The following TG variants were observed in gnomAD, a reference collection of about 807,000 sequenced individuals.
TG encodes the protein thyroid hormones.
In TG, 270 loss-of-function variants were observed where a neutral mutation model predicts 324.7. That is an observed-to-expected ratio of 0.83 (90% CI 0.75 to 0.92). The LOEUF is 0.92. Ranked by LOEUF, TG falls within the 40% of genes least tolerant of loss-of-function variation. TG has a pLI of 0.00. For missense variants in TG, 3,591 were observed against 3,456.4 expected, an observed-to-expected ratio of 1.04 and a Z score of -0.98; for synonymous variants, 1,401 against 1,327.0, an observed-to-expected ratio of 1.06 and a Z score of -1.21.
chr8:132,911,253 T>C (rs1819479757), intron 18 of TG, 124 bp from the exon 19 acceptor site: 24 of 1,565,800 alleles, frequency 1.5e-5, no homozygotes, highest in Non-Finnish European at 2.0e-5. Flanking sequence ...CTTGACCCCC[T>C]GAAGTAGGGT....
chr8:133,019,650 C>A lies in TG; in HGVS notation c.6831C>A (p.Val2277=). The part of the protein sequence containing the change: ...PGTRTSTSPG[V]SEDCLYLNVF... ...CCAGAACATCCACGTCTCCTGGAGT[C>A]AGTGAAGATTGTTTGTATCTCAATG... is the stretch of plus-strand genomic sequence containing the variant. The change falls in exon 39 of 48, where the codon GTC becomes GTA. Residue 2277 remains valine, a synonymous_variant. Coordinates refer to ENST00000220616, the MANE Select transcript of TG (RefSeq NM_003235.5). 1.2e-6 allele frequency: 2 copies of A among 1,613,746 alleles called. No individual in the cohort carries two copies. The highest frequency in any genetic ancestry group is 2.2e-5 in the South Asian group (2 of 90,986).
intron 40 of TG, among the ~76,000 whole-genome samples, chr8:133,026,958 A>G (rs1329233528): frequency 6.6e-6 from 1 of 152,188 alleles, no homozygotes; most frequent in African/African-American, 2.4e-5. Context: ...AATTTACTCA[A>G]CCTTATGAGG....
At chr8:132,893,011 G>A (rs1816473938) in intron 10 of TG, among the ~76,000 whole-genome samples, 4 of 138,216 alleles carry the variant, frequency 2.9e-5, no homozygotes, top group African/African-American at 1.2e-4. Flanking sequence ...TGTGGGTGGT[G>A]TGTGTGTGTG....
intron 45 of TG, among the ~76,000 whole-genome samples, chr8:133,131,315 C>G (rs1338106145): frequency 6.6e-6 from 1 of 152,202 alleles, no homozygotes; most frequent in African/African-American, 2.4e-5. Flanking sequence ...TGAATAACTC[C>G]TATTTGCCAG....
chr8:133,005,300 G>A lies in TG; in HGVS notation c.6263-6601G>A, dbSNP rs575606037. The stretch of plus-strand genomic sequence containing the variant: ...GACAGGGGGACAGGGGGACAGTGGG[G>A]CGAGGGGAGGAGGGGTCAGGTGGAA... On this transcript the variant is annotated intron_variant, in intron 35 of 47. Coordinates refer to ENST00000220616, the MANE Select transcript of TG (RefSeq NM_003235.5). 2.0e-5 allele frequency among the ~76,000 whole-genome samples: 3 copies of A among 152,236 alleles called. 1 individual carries two copies. In the South Asian group the frequency reaches 6.2e-4, roughly 32 times the overall value.
At position 133,085,160 on chromosome 8, in the gene TG, T is replaced by C. The variant is rs562966426; in HGVS notation, c.7240-9884T>C. ...GGTGAGTGATTTAAGCTTGCAAGTA[T>C]AAAAATATACCAAGGTATAATCTCT... is the stretch of plus-strand genomic sequence containing the variant. On this transcript the variant is annotated intron_variant, in intron 41 of 47. Transcript: ENST00000220616. Among the ~76,000 whole-genome samples the C allele has an allele frequency of 2.9e-4, 44 of 152,310 alleles. No homozygotes were observed. In the South Asian group the frequency reaches 8.9e-3, roughly 31 times the overall value.
chr8:133,116,604 A>ATCTG lies in TG; in HGVS notation c.7755-5_7755-4insTCTG. On this transcript the variant is annotated splice_polypyrimidine_tract_variant and splice_region_variant and intron_variant, in intron 44 of 47. Coordinates refer to ENST00000220616, the MANE Select transcript of TG (RefSeq NM_003235.5). ...CAGACTCCCCCCATGTTCTCTTTTC[A>ATCTG]CCAGGGACTACTTTATCATCTGCCC... 1 of 1,612,986 alleles carries ATCTG rather than the reference A, an allele frequency of 6.2e-7. No individual in the cohort carries two copies. Among genetic ancestry groups the ATCTG allele is most frequent in the South Asian group, 1.1e-5 (1 of 91,068 alleles).
chr8:133,040,202 A>G, intron 41 of TG: 2 of 1,509,974 alleles, frequency 1.3e-6, no homozygotes, highest in Non-Finnish European at 1.8e-6. Flanking sequence ...CAGGCCTGAG[A>G]CACTCTCCAG....
chr8:133,074,664 T>A (rs1034924125), intron 41 of TG, among the ~76,000 whole-genome samples: 22 of 152,304 alleles, frequency 1.4e-4, no homozygotes, highest in African/African-American at 5.3e-4. Flanking sequence ...GAATTATGCA[T>A]CCAACACCCA....
intron 24 of TG, among the ~76,000 whole-genome samples, chr8:132,934,572 A>T (rs1823281942): frequency 6.6e-6 from 1 of 152,116 alleles, no homozygotes; most frequent in South Asian, 2.1e-4. Flanking sequence ...AGCTCTTCTC[A>T]GGTCTGCGGG....
intron 42 of TG, among the ~76,000 whole-genome samples, chr8:133,095,733 T>C (rs1367857717): frequency 6.6e-6 from 1 of 152,224 alleles, no homozygotes; most frequent in Non-Finnish European, 1.5e-5. Flanking sequence ...AAGGGGACAT[T>C]AGCAGGAATA....
chr8:133,111,590 C>A (rs562475876), intron 43 of TG, among the ~76,000 whole-genome samples: 1 of 152,210 alleles, frequency 6.6e-6, no homozygotes, highest in South Asian at 2.1e-4. Context: ...CTAGACTAGA[C>A]TAGGGTAGAA....
intron 40 of TG, among the ~76,000 whole-genome samples, chr8:133,026,354 C>T (rs894101188): frequency 6.6e-6 from 1 of 152,156 alleles, no homozygotes; most frequent in Non-Finnish European, 1.5e-5. Context: ...AACGCATGCT[C>T]TCTGGTGAAA....
chr8:132,909,290 C>A (rs947168262), intron 18 of TG, among the ~76,000 whole-genome samples: 1 of 152,132 alleles, frequency 6.6e-6, no homozygotes, highest in Non-Finnish European at 1.5e-5. Context: ...AAAGAGCCTA[C>A]AAGACTGGGT....
At chr8:132,967,695 A>G (rs937683298) in intron 30 of TG, 99 bp from the exon 31 acceptor site, 2 of 1,354,004 alleles carry the variant, frequency 1.5e-6, no homozygotes, top group Admixed American at 1.9e-5. Context: ...ACTAGGAGGG[A>G]TCTCTACCAG....
intron 41 of TG, among the ~76,000 whole-genome samples, chr8:133,041,784 G>GTTTT (rs529937626): frequency 4.8e-5 from 6 of 124,388 alleles, no homozygotes; most frequent in Admixed American, 1.6e-4. Context: ...CTTGTGGTCA[G>GTTTT]TTTTTTTTTT....
At position 132,913,264 on chromosome 8, in the gene TG, C is replaced by A. The variant is rs777825620; in HGVS notation, c.4377C>A (p.Cys1459Ter). The A allele has an allele frequency of 9.9e-6, 16 of 1,613,552 alleles. No homozygotes were observed. Among genetic ancestry groups the A allele is most frequent in the Non-Finnish European group, 1.3e-5 (15 of 1,179,872 alleles). Reference protein sequence around the residue: ...TSEASQDGLGCVKCPEGSYSQ... With the variant: ...TSEASQDGLG The stretch of plus-strand genomic sequence containing the variant: ...AGGCCAGTCAGGACGGACTGGGATG[C>A]GGTAGGTCCACTCTCTCCCTGGATA... The change falls in exon 20 of 48, where the codon TGC becomes TGA. Residue 1459 changes from cysteine to a stop codon, truncating the protein, a stop_gained and splice_region_variant. Transcript: ENST00000220616. LOFTEE classifies it high-confidence loss of function.
intron 40 of TG, among the ~76,000 whole-genome samples, chr8:133,024,406 TTTTAC>T (rs1835881243): frequency 6.8e-6 from 1 of 148,146 alleles, no homozygotes; most frequent in African/African-American, 2.5e-5. Flanking sequence ...CTTTTTTTAA[TTTTAC>T]TTTAAGTTCT....
intron 41 of TG, among the ~76,000 whole-genome samples, chr8:133,075,625 A>G (rs543905130): frequency 3.2e-4 from 48 of 152,336 alleles, no homozygotes; most frequent in African/African-American, 1.1e-3. Context: ...GTCTCGTATC[A>G]TGACGGCTAT....
Sources: allele counts gnomAD v4.1 joint callset (sites outside exome capture counted in the v4.1 genomes callset), GRCh38; gene constraint gnomAD v4.1.1; transcripts MANE v1.5; gene names NCBI Gene and HGNC (gene_info 2026-07-23, HGNC 2026-07-21).